The following LRP11 variants were observed in gnomAD, a reference collection of about 807,000 sequenced individuals.
The protein encoded by LRP11 is LDL receptor related protein 11.
Under a neutral mutation model 43.1 loss-of-function variants are expected in LRP11, and 25 were observed. The observed-to-expected ratio is 0.58, with a 90% confidence interval of 0.42 to 0.81. LRP11 has a LOEUF of 0.81. LRP11 is among the 30% of genes least tolerant of loss of function. LRP11 has a pLI of 0.00. For missense variants in LRP11, 623 were observed against 665.1 expected, an observed-to-expected ratio of 0.94 and a Z score of 0.70; for synonymous variants, 316 against 299.4, an observed-to-expected ratio of 1.06 and a Z score of -0.57.
intron 1 of LRP11, among the ~76,000 whole-genome samples, chr6:149,854,395 C>T (rs1022349804): frequency 2.0e-5 from 3 of 152,168 alleles, no homozygotes; most frequent in Admixed American, 1.3e-4. Flanking sequence ...GTGTGAGCCA[C>T]TGCACCCAGC....
chr6:149,825,857 CA>C (rs1776332027), intron 6 of LRP11, among the ~76,000 whole-genome samples: 1 of 152,152 alleles, frequency 6.6e-6, no homozygotes, highest in Admixed American at 6.5e-5. Flanking sequence ...CCATATTGCC[CA>C]GGCCGGTCTT....
intron 2 of LRP11, among the ~76,000 whole-genome samples, chr6:149,851,814 C>G (rs562572249): frequency 2.6e-5 from 4 of 152,230 alleles, no homozygotes; most frequent in African/African-American, 9.6e-5. Context: ...CAAAGAACTG[C>G]CCGAAACTGG....
chr6:149,829,900 C>T (rs1450018016), intron 5 of LRP11, among the ~76,000 whole-genome samples: 2 of 151,862 alleles, frequency 1.3e-5, no homozygotes, highest in Non-Finnish European at 2.9e-5. Flanking sequence ...CTTGAATGTT[C>T]TAGCAAAAAT....
Position 149,863,979 on chromosome 6 carries a change from C to G in LRP11, c.42G>C (p.Arg14=). The change falls in exon 1 of 7, where the codon CGG becomes CGC. Residue 14 remains arginine, a synonymous_variant. Coordinates refer to ENST00000239367, the MANE Select transcript of LRP11 (RefSeq NM_032832.6). Reference sequence around the variant, plus strand: ...GCAGCGCCCCGTGACGCGGCGGTAGCCGGCGCTGCGAGCCCGCGCTCTCCT... The same window carrying G: ...GCAGCGCCCCGTGACGCGGCGGTAGGCGGCGCTGCGAGCCCGCGCTCTCCT... ...VAQESAGSQR[R]LPPRHGALRG... The G allele has an allele frequency of 7.1e-7, 1 of 1,410,726 alleles. No homozygotes were observed. Among genetic ancestry groups the G allele is most frequent in the Non-Finnish European group, 9.2e-7 (1 of 1,089,574 alleles). The allele number at this position is 1,410,726 out of a possible 1,614,324, so 87.4% of individuals were successfully genotyped here. A position where few individuals can be genotyped will look rare whatever the true frequency, so the allele number is the denominator to read the frequency against.
intron 2 of LRP11, among the ~76,000 whole-genome samples, chr6:149,845,902 C>T (rs1237959386): frequency 6.6e-6 from 1 of 152,188 alleles, no homozygotes; most frequent in Non-Finnish European, 1.5e-5. Context: ...CACCTCCAAT[C>T]CATCAGGAAT....
chr6:149,833,032 T>C (rs575729845), intron 5 of LRP11, among the ~76,000 whole-genome samples: 16 of 151,990 alleles, frequency 1.1e-4, no homozygotes, highest in Non-Finnish European at 2.4e-4. Context: ...ATGGTCTCGA[T>C]CTCCTGACCT....
At chr6:149,842,789 C>G in intron 3 of LRP11, 194 bp downstream of exon 3, 2 of 1,245,760 alleles carry the variant, frequency 1.6e-6, no homozygotes, top group Non-Finnish European at 2.3e-6. Flanking sequence ...CCACCCCAAC[C>G]CAGTAGCATC....
intron 2 of LRP11, among the ~76,000 whole-genome samples, chr6:149,844,136 C>T (rs571344399): frequency 6.6e-6 from 1 of 151,946 alleles, no homozygotes; most frequent in African/African-American, 2.4e-5. Context: ...GCCTGTAGTC[C>T]CAGGTACTCG....
chr6:149,861,647 G>C (rs1017102791), intron 1 of LRP11, among the ~76,000 whole-genome samples: 1 of 152,114 alleles, frequency 6.6e-6, no homozygotes, highest in Admixed American at 6.6e-5. Context: ...CCGAGGAGCT[G>C]GGATCATAGA....
intron 2 of LRP11, among the ~76,000 whole-genome samples, chr6:149,848,150 C>A (rs189462119): frequency 2.6e-5 from 4 of 151,624 alleles, no homozygotes; most frequent in African/African-American, 7.3e-5. Flanking sequence ...AGGTTAGTGC[C>A]CTTATAAAAG....
In LRP11 at chr6:149,859,396, A is replaced by ATATATATTTTTTTTTTTTTTTTTTTTT; in HGVS notation, c.613+4011_613+4012insAAAAAAAAAAAAAAAAAAAAATATATA. The stretch of plus-strand genomic sequence containing the variant: ...CTGACTCATATATATATATATATAT[A>ATATATATTTTTTTTTTTTTTTTTTTTT]TTTTTTTTTTTTTTTTTTTGACCGA... On this transcript the variant is annotated intron_variant, in intron 1 of 6. Transcript: ENST00000239367. Among the ~76,000 whole-genome samples the ATATATATTTTTTTTTTTTTTTTTTTTT allele has an allele frequency of 5.6e-5, 4 of 71,496 alleles. 1 individual carries two copies. Among genetic ancestry groups the ATATATATTTTTTTTTTTTTTTTTTTTT allele is most frequent in the African/African-American group, 1.6e-4 (2 of 12,236 alleles). 46.9% of individuals were successfully genotyped at this position (71,496 alleles called of 152,430 possible).
rs1194880373 is a variant in LRP11, at chr6:149,859,394, A to ATTTTT, written c.613+4013_613+4014insAAAAA. On this transcript the variant is annotated intron_variant, in intron 1 of 6. Transcript: ENST00000239367. ...TGCTGACTCATATATATATATATAT[A>ATTTTT]TATTTTTTTTTTTTTTTTTTTGACC... Among the ~76,000 whole-genome samples, 50 of 73,846 alleles carry ATTTTT rather than the reference A, an allele frequency of 6.8e-4. 2 individuals carry two copies. The highest frequency in any genetic ancestry group is 4.3e-3 in the African/African-American group (48 of 11,270). The allele number at this position is 73,846 out of a possible 152,430, so 48.4% of individuals were successfully genotyped here. A position where few individuals can be genotyped will look rare whatever the true frequency, so the allele number is the denominator to read the frequency against.
chr6:149,850,624 T>G (rs1447930821), intron 2 of LRP11, among the ~76,000 whole-genome samples: 1 of 152,186 alleles, frequency 6.6e-6, no homozygotes, highest in Non-Finnish European at 1.5e-5. Flanking sequence ...CTGAAATGAA[T>G]CTACTAATAG....
rs1471073538 is a variant in LRP11, at chr6:149,837,370, G to C, written c.1007C>G (p.Pro336Arg). 3 of 1,614,040 alleles carry C rather than the reference G, an allele frequency of 1.9e-6. No individual in the cohort carries two copies. The highest frequency in any genetic ancestry group is 1.7e-6 in the Non-Finnish European group (2 of 1,180,012). The change falls in exon 4 of 7, where the codon CCT becomes CGT. Residue 336 changes from proline to arginine, a missense_variant. Physicochemically the swap from Pro to Arg is moderately radical, Grantham distance 103. Transcript: ENST00000239367. The stretch of plus-strand genomic sequence containing the variant: ...GCAGAAGTCTTCATCAGACCCATCA[G>C]GACACTGCTGCACTCCATCGCAGGC... ...TLACDGVQQC[P>R]DGSDEDFCQN...
intron 6 of LRP11, among the ~76,000 whole-genome samples, chr6:149,821,138 C>T (rs1776273205): frequency 6.6e-6 from 1 of 152,010 alleles, no homozygotes; most frequent in Admixed American, 6.6e-5. Flanking sequence ...AACATCTTGG[C>T]CAGGCTGGTC....
At chr6:149,834,324 A>G (rs4870048) in intron 5 of LRP11, among the ~76,000 whole-genome samples, 76,247 of 152,028 alleles carry the variant, frequency 0.5, 21,145 homozygotes, top group East Asian at 0.83. Context: ...AGTGCTGGAC[A>G]GCACCTTGGA....
chr6:149,839,854 A>G (rs552197607), intron 3 of LRP11, among the ~76,000 whole-genome samples: 9 of 152,288 alleles, frequency 5.9e-5, no homozygotes, highest in Admixed American at 1.3e-4. Context: ...CGTGCATACT[A>G]CTGTACTAAC....
At chr6:149,822,445 CT>C (rs1291807673) in intron 6 of LRP11, among the ~76,000 whole-genome samples, 1 of 151,080 alleles carries the variant, frequency 6.6e-6, no homozygotes, top group Non-Finnish European at 1.5e-5. Flanking sequence ...GAGGTAGAGG[CT>C]TCAGTGAGCT....
intron 3 of LRP11, among the ~76,000 whole-genome samples, chr6:149,838,059 A>G (rs781652461): frequency 6.6e-6 from 1 of 152,068 alleles, no homozygotes; most frequent in Non-Finnish European, 1.5e-5. Flanking sequence ...CTGGGACTAC[A>G]GACATGCACC....
Sources: gnomAD v4.1 joint callset for allele counts (sites outside exome capture counted in the v4.1 genomes callset) on GRCh38, gnomAD v4.1.1 for gene constraint, MANE v1.5 for transcripts, NCBI Gene and HGNC (gene_info 2026-07-23, HGNC 2026-07-21) for gene names.